APBB2: variants seen among roughly 807,000 people sequenced by gnomAD.
The protein encoded by APBB2 is amyloid beta precursor protein binding family B member 2.
APBB2 carries 38 observed loss-of-function variants against 82.5 expected under a neutral mutation model. That is an observed-to-expected ratio of 0.46 (90% CI 0.36 to 0.60). The LOEUF (loss-of-function observed/expected upper bound fraction) is 0.60. Among genes scored for constraint, APBB2 ranks in the 20% least tolerant of loss-of-function variants. APBB2 has a pLI of 0.00. For synonymous variants in APBB2, 341 were observed against 368.2 expected (o/e 0.93, Z 0.85); for missense variants, 772 against 972.3 (o/e 0.79, Z 2.74).
intron 3 of APBB2, among the ~76,000 whole-genome samples, chr4:41,066,782 T>C (rs1005114210): frequency 1.3e-5 from 2 of 152,296 alleles, no homozygotes; most frequent in Middle Eastern, 3.4e-3. Flanking sequence ...ATGGCAACCA[T>C]GTACATGTCT....
chr4:41,033,227 G>A lies in APBB2; in HGVS notation c.19+9C>T. The A allele has an allele frequency of 6.4e-7, 1 of 1,551,608 alleles. No homozygotes were observed. The highest frequency in any genetic ancestry group is 8.9e-7 in the Non-Finnish European group (1 of 1,126,340). On this transcript the variant is annotated intron_variant, in intron 5 of 17. Coordinates refer to ENST00000508593, the MANE Select transcript of APBB2 (RefSeq NM_004307.2). ...TCTCTGCATTGAAATATGAGAAAAT[G>A]TATCTGACCTGGAAGTACTTCTGAC...
chr4:40,818,705 A>G (rs4861315), intron 17 of APBB2, among the ~76,000 whole-genome samples: 29,924 of 152,014 alleles, frequency 0.2, 3,387 homozygotes, highest in East Asian at 0.35. Context: ...TCCTGGCCCT[A>G]CAGTTCTTGC....
At chr4:40,890,801 T>C (rs1578224441) in intron 11 of APBB2, 1 of 232,312 alleles carries the variant, frequency 4.3e-6, no homozygotes, top group Non-Finnish European at 8.4e-6. Context: ...GTGGTTTCCC[T>C]GGAGAATACG....
intron 1 of APBB2, among the ~76,000 whole-genome samples, chr4:41,183,545 A>T (rs2154065408): frequency 6.6e-6 from 1 of 152,304 alleles, no homozygotes; most frequent in East Asian, 1.9e-4. Context: ...GGACACAGAG[A>T]CACATACATA....
At chr4:41,201,369 A>G (rs984071387) in intron 1 of APBB2, among the ~76,000 whole-genome samples, 9 of 152,220 alleles carry the variant, frequency 5.9e-5, no homozygotes, top group African/African-American at 2.2e-4. Flanking sequence ...GTTGAATAAA[A>G]AGCATTTTAA....
At chr4:40,972,767 T>C (rs1796278309) in intron 6 of APBB2, among the ~76,000 whole-genome samples, 5 of 152,206 alleles carry the variant, frequency 3.3e-5, no homozygotes, top group African/African-American at 1.2e-4. Flanking sequence ...CCATGAAGTT[T>C]TAACCCTAGT....
chr4:40,837,419 G>A (rs971836027), intron 12 of APBB2, among the ~76,000 whole-genome samples: 4 of 152,324 alleles, frequency 2.6e-5, no homozygotes, highest in African/African-American at 7.2e-5. Flanking sequence ...CTCATTAACC[G>A]GGCGCCTCAC....
chr4:41,146,047 C>A (rs373349369), intron 1 of APBB2, among the ~76,000 whole-genome samples: 1 of 151,850 alleles, frequency 6.6e-6, no homozygotes, highest in Non-Finnish European at 1.5e-5. Context: ...AAATATTTAT[C>A]CAACATGGTG....
At chr4:41,083,868 TA>T (rs973809691) in intron 3 of APBB2, among the ~76,000 whole-genome samples, 2 of 151,842 alleles carry the variant, frequency 1.3e-5, no homozygotes, top group African/African-American at 4.8e-5. Context: ...GTACTAAGAA[TA>T]AAAATAAAAG....
chr4:40,825,870 A>G lies in APBB2; in HGVS notation c.1816+17T>C. The G allele has an allele frequency of 6.2e-7, 1 of 1,610,222 alleles. No individual in the cohort carries two copies. The highest frequency in any genetic ancestry group is 1.7e-4 in the Middle Eastern group (1 of 6,056). On this transcript the variant is annotated intron_variant, in intron 15 of 17. Transcript: ENST00000508593. The stretch of plus-strand genomic sequence containing the variant: ...CGCACACTTGCAAAGTGGAAAGACA[A>G]TAAACATTTCACATACCGACTGGTT...
intron 12 of APBB2, among the ~76,000 whole-genome samples, chr4:40,886,612 T>C (rs949293525): frequency 1.8e-4 from 28 of 152,048 alleles, no homozygotes; most frequent in Admixed American, 7.9e-4. Context: ...TTAGCACAGG[T>C]CCCTGAAACT....
chr4:40,855,364 C>G (rs1760840567), intron 12 of APBB2, among the ~76,000 whole-genome samples: 1 of 152,158 alleles, frequency 6.6e-6, no homozygotes, highest in African/African-American at 2.4e-5. Flanking sequence ...ATAAATTATC[C>G]CCATTGCAGA....
chr4:40,994,800 G>A (rs1803164467), intron 6 of APBB2, among the ~76,000 whole-genome samples: 1 of 135,870 alleles, frequency 7.4e-6, no homozygotes. Flanking sequence ...GGGCGACAGA[G>A]CAAGACTCCG....
At chr4:40,821,801 C>T in intron 17 of APBB2, 70 bp downstream of exon 17, 1 of 1,549,522 alleles carries the variant, frequency 6.5e-7, no homozygotes, top group Non-Finnish European at 8.8e-7. Context: ...AGTGATTCTG[C>T]TATAATGTAT....
chr4:41,161,262 C>T (rs1765096356), intron 1 of APBB2, among the ~76,000 whole-genome samples: 1 of 150,820 alleles, frequency 6.6e-6, no homozygotes, highest in Admixed American at 6.6e-5. Context: ...TTCATAGACA[C>T]TGCTCGTTTA....
At chr4:41,121,603 C>A (rs933502367) in intron 2 of APBB2, among the ~76,000 whole-genome samples, 1 of 152,212 alleles carries the variant, frequency 6.6e-6, no homozygotes, top group East Asian at 1.9e-4. Context: ...ACTCTGCCAC[C>A]GTGTTGTGTG....
chr4:41,197,993 T>C, intron 1 of APBB2, among the ~76,000 whole-genome samples: 1 of 152,228 alleles, frequency 6.6e-6, no homozygotes, highest in Non-Finnish European at 1.5e-5. Context: ...GTACTTTAAG[T>C]ATTTTAACTC....
chr4:40,941,269 T>C (rs1383074487), intron 7 of APBB2, among the ~76,000 whole-genome samples: 1 of 152,170 alleles, frequency 6.6e-6, no homozygotes, highest in Non-Finnish European at 1.5e-5. Flanking sequence ...TTGGTTGAAA[T>C]AGATTCTATT....
At chr4:40,868,541 G>C (rs972854453) in intron 12 of APBB2, among the ~76,000 whole-genome samples, 2 of 152,192 alleles carry the variant, frequency 1.3e-5, no homozygotes, top group African/African-American at 2.4e-5. Flanking sequence ...GGATTAGCCA[G>C]AAGTAAAGGC....
Sources: allele counts gnomAD v4.1 joint callset (sites outside exome capture counted in the v4.1 genomes callset), GRCh38; gene constraint gnomAD v4.1.1; transcripts MANE v1.5; gene names NCBI Gene and HGNC (gene_info 2026-07-23, HGNC 2026-07-21).